The following FYN variants were observed in gnomAD, a reference collection of about 807,000 sequenced individuals.
The protein encoded by FYN is FYN proto-oncogene, Src family tyrosine kinase.
Under a neutral mutation model 70.2 loss-of-function variants are expected in FYN, and 10 were observed. The ratio of observed to expected loss-of-function variants is 0.14; its 90% confidence interval spans 0.09 to 0.24. The LOEUF is 0.24. FYN is among the 10% of genes least tolerant of loss of function. The pLI is 1.00. For missense variants in FYN, 319 were observed against 673.1 expected (o/e 0.47, Z 5.82); for synonymous variants, 236 against 248.6 (o/e 0.95, Z 0.48).
At chr6:111,721,181 T>C (rs1222894014) in intron 3 of FYN, among the ~76,000 whole-genome samples, 1 of 152,172 alleles carries the variant, frequency 6.6e-6, no homozygotes, top group Non-Finnish European at 1.5e-5. Flanking sequence ...CCTTCCAGGC[T>C]GGGTTGTGCT....
intron 12 of FYN, among the ~76,000 whole-genome samples, chr6:111,689,860 T>C (rs1401701211): frequency 6.6e-6 from 1 of 152,166 alleles, no homozygotes; most frequent in East Asian, 1.9e-4. Context: ...CAGGGGCATA[T>C]ATGTACATAA....
At chr6:111,760,286 C>T (rs1380971712) in intron 3 of FYN, among the ~76,000 whole-genome samples, 1 of 152,032 alleles carries the variant, frequency 6.6e-6, no homozygotes, top group Non-Finnish European at 1.5e-5. Flanking sequence ...GAGAGCAAAC[C>T]CGCACTGCTT....
chr6:111,796,383 T>C (rs1771805396), intron 2 of FYN, among the ~76,000 whole-genome samples: 2 of 152,232 alleles, frequency 1.3e-5, no homozygotes, highest in Non-Finnish European at 2.9e-5. Flanking sequence ...TTACCTACAG[T>C]ATTTAGTACA....
chr6:111,851,019 G>A (rs1773670783), intron 1 of FYN, among the ~76,000 whole-genome samples: 1 of 152,044 alleles, frequency 6.6e-6, no homozygotes, highest in Admixed American at 6.5e-5. Flanking sequence ...AGAGATGGCA[G>A]CAACTGCAAC....
chr6:111,724,344 T>C (rs1372376612), intron 3 of FYN, among the ~76,000 whole-genome samples: 2 of 152,194 alleles, frequency 1.3e-5, no homozygotes, highest in African/African-American at 4.8e-5. Flanking sequence ...AATCCTTTAC[T>C]ACCACAGGCA....
At chr6:111,737,276 T>C (rs1429578442) in intron 3 of FYN, among the ~76,000 whole-genome samples, 1 of 152,154 alleles carries the variant, frequency 6.6e-6, no homozygotes, top group East Asian at 1.9e-4. Context: ...TACCTAGAGA[T>C]AGTGTCAGAT....
At chr6:111,807,877 AGGTG>A (rs1323971385) in intron 2 of FYN, among the ~76,000 whole-genome samples, 1 of 152,154 alleles carries the variant, frequency 6.6e-6, no homozygotes, top group East Asian at 1.9e-4. Context: ...TGGGAGGCCG[AGGTG>A]GGCAAATCAC....
chr6:111,815,998 C>T (rs1240492129), intron 2 of FYN, among the ~76,000 whole-genome samples: 2 of 152,182 alleles, frequency 1.3e-5, no homozygotes, highest in African/African-American at 2.4e-5. Context: ...CCATGCCTGG[C>T]ATATCTGTCT....
intron 2 of FYN, among the ~76,000 whole-genome samples, chr6:111,789,308 T>G (rs1019227075): frequency 2.6e-5 from 4 of 152,030 alleles, no homozygotes; most frequent in Non-Finnish European, 5.9e-5. Context: ...ACTGGAGAGA[T>G]AAAGATTTGG....
intron 3 of FYN, among the ~76,000 whole-genome samples, chr6:111,780,125 A>T (rs1449832330): frequency 6.6e-6 from 1 of 152,188 alleles, no homozygotes; most frequent in Non-Finnish European, 1.5e-5. Flanking sequence ...GCTCCCAGGC[A>T]AGCTGGACTT....
At chr6:111,860,535 T>C (rs1773934802) in intron 1 of FYN, among the ~76,000 whole-genome samples, 1 of 152,188 alleles carries the variant, frequency 6.6e-6, no homozygotes, top group Non-Finnish European at 1.5e-5. Flanking sequence ...GGGAAAGCAG[T>C]AGGGCTTGCC....
chr6:111,853,409 A>C (rs976561984), intron 1 of FYN, among the ~76,000 whole-genome samples: 7 of 152,000 alleles, frequency 4.6e-5, no homozygotes, highest in Non-Finnish European at 1.0e-4. Flanking sequence ...CATCAAGAAA[A>C]TACATTGTGC....
intron 13 of FYN, among the ~76,000 whole-genome samples, chr6:111,672,788 T>A (rs1399796136): frequency 6.6e-6 from 1 of 152,032 alleles, no homozygotes; most frequent in African/African-American, 2.4e-5. Flanking sequence ...CCTGGCACAG[T>A]TCACAGTGAC....
At chr6:111,713,394 G>A (rs150468559) in intron 5 of FYN, among the ~76,000 whole-genome samples, 1 of 152,270 alleles carries the variant, frequency 6.6e-6, no homozygotes, top group East Asian at 1.9e-4. Context: ...AATCTGATTT[G>A]CTCAGAGAGC....
At chr6:111,721,507 A>G (rs1252300437) in intron 3 of FYN, among the ~76,000 whole-genome samples, 2 of 152,008 alleles carry the variant, frequency 1.3e-5, no homozygotes, top group African/African-American at 4.8e-5. Flanking sequence ...TTGGCTCACT[A>G]CAACCTCTGC....
rs140179290 is a variant in FYN, at chr6:111,800,278, T to C, written c.-81-19643A>G. ...ATAAGCAACGTAAAATGCTTTCAAA[T>C]TTTCTTTCAAGTAATAACACGGTAC... On this transcript the variant is annotated intron_variant, in intron 2 of 13. Transcript: ENST00000354650. Among the ~76,000 whole-genome samples the C allele has an allele frequency of 4.6e-3, 695 of 152,250 alleles. 4 individuals carry two copies. The highest frequency in any genetic ancestry group is 6.3e-3 in the Non-Finnish European group (430 of 68,022).
chr6:111,857,358 G>T (rs951137311), intron 1 of FYN, among the ~76,000 whole-genome samples: 2 of 152,134 alleles, frequency 1.3e-5, no homozygotes, highest in African/African-American at 4.8e-5. Flanking sequence ...GGGAAAAACT[G>T]CCACTAGCTA....
intron 2 of FYN, among the ~76,000 whole-genome samples, chr6:111,810,566 T>C (rs771209102): frequency 2.0e-5 from 3 of 152,176 alleles, no homozygotes; most frequent in Admixed American, 6.5e-5. Context: ...CCTTGAAAAA[T>C]TTACATTTAT....
At chr6:111,838,058 C>A (rs1208616981) in intron 2 of FYN, among the ~76,000 whole-genome samples, 2 of 152,194 alleles carry the variant, frequency 1.3e-5, no homozygotes, top group Non-Finnish European at 2.9e-5. Context: ...CTGCTCTCCA[C>A]AGACCACACA....
Sources: gnomAD v4.1 joint callset for allele counts (sites outside exome capture counted in the v4.1 genomes callset) on GRCh38, gnomAD v4.1.1 for gene constraint, MANE v1.5 for transcripts, NCBI Gene and HGNC (gene_info 2026-07-23, HGNC 2026-07-21) for gene names.